PTPN6: variants seen among roughly 807,000 people sequenced by gnomAD.
PTPN6 encodes the protein tyrosine-protein phosphatase non-receptor type 6.
Under a neutral mutation model 81.5 loss-of-function variants are expected in PTPN6, and 18 were observed. The ratio of observed to expected loss-of-function variants is 0.22; its 90% CI spans 0.15 to 0.33. The LOEUF (loss-of-function observed/expected upper bound fraction) is 0.33. PTPN6 is among the 10% of genes least tolerant of loss of function. PTPN6 has a pLI of 1.00. For synonymous variants in PTPN6, 301 were observed against 310.9 expected (o/e 0.97, Z 0.33); for missense variants, 500 against 794.2 (o/e 0.63, Z 4.45).
At position 6,951,467 on chromosome 12, in the gene PTPN6, C is replaced by T; in HGVS notation, c.-46C>T. The T allele has an allele frequency of 1.2e-6, 2 of 1,613,232 alleles. No homozygotes were observed. Among genetic ancestry groups the T allele is most frequent in the South Asian group, 2.2e-5 (2 of 90,924 alleles). On this transcript the variant is annotated 5_prime_UTR_variant, in exon 1 of 16. Transcript: ENST00000318974. This position sits in a 1 kb window ranked among gnomAD's most constrained non-coding sequence, Gnocchi z 7.2. ...GCTCTCTGCCTGCCCAGACTAGCTG[C>T]ACCTCCTCATTCCCTGCGCCCCCTT...
chr12:6,947,165 C>G (rs1340144257), upstream of PTPN6, among the ~76,000 whole-genome samples: 1 of 152,196 alleles, frequency 6.6e-6, no homozygotes, highest in Non-Finnish European at 1.5e-5. Flanking sequence ...TTTCCTTTCA[C>G]TTCCCTTTCC....
rs782761798 is a variant in PTPN6, at chr12:6,957,663, G to A, written c.1084G>A (p.Val362Ile). The change falls in exon 10 of 16, where the codon GTC (valine) becomes ATC (isoleucine). Residue 362 changes from valine (V) to isoleucine (I), a missense_variant. Physicochemically the swap from Val to Ile is conservative, Grantham distance 29. This residue lies in a region of PTPN6 where 226 missense variants were observed against 364.4 expected (regional missense o/e 0.62). Coordinates refer to ENST00000318974, the MANE Select transcript of PTPN6 (RefSeq NM_002831.6). This position sits in a 1 kb window ranked among gnomAD's most constrained non-coding sequence, Gnocchi z 6.5. ...REVEKGRNKC[V>I]PYWPEVGMQR... ...GACCCTCCCTTTCCAGAACAAATGC[G>A]TCCCATACTGGCCCGAGGTGGGCAT... 2.1e-5 allele frequency: 34 copies of A among 1,592,628 alleles called. No individual in the cohort carries two copies. The highest frequency in any genetic ancestry group is 4.6e-5 in the East Asian group (2 of 43,620).
At chr12:6,958,209 C>T (rs1946066928) in intron 11 of PTPN6, 136 bp downstream of exon 11, 1 of 1,251,844 alleles carries the variant, frequency 8.0e-7, no homozygotes, top group East Asian at 2.5e-5. Context: ...TCTCCTGGGT[C>T]CCCTCATGGC....
Position 6,957,788 on chromosome 12 carries a change from G to A in PTPN6, c.1206+3G>A, listed in dbSNP as rs1447995673. On this transcript the variant is annotated splice_donor_region_variant and intron_variant, in intron 10 of 15. Transcript: ENST00000318974. The surrounding 1 kb of genome is among the most constrained non-coding windows in gnomAD (Gnocchi z 6.5). ...TACAGGTCTCCCCGCTGGACAATGT[G>A]AGTGGCCCCCACGCCCTGCCCCATT... The A allele has an allele frequency of 6.2e-7, 1 of 1,614,152 alleles. No homozygotes were observed. The highest frequency in any genetic ancestry group is 8.5e-7 in the Non-Finnish European group (1 of 1,180,038).
rs1555149773 is a variant in PTPN6 at position 6,960,748 on chromosome 12, G to C, written c.1674-58G>C. 1 of 1,551,766 alleles carries C rather than the reference G, an allele frequency of 6.4e-7. No individual in the cohort carries two copies. The highest frequency in any genetic ancestry group is 8.7e-7 in the Non-Finnish European group (1 of 1,147,072). On this transcript the variant is annotated intron_variant, in intron 14 of 15. Coordinates refer to ENST00000318974, the MANE Select transcript of PTPN6 (RefSeq NM_002831.6). The surrounding 1 kb of genome is among the most constrained non-coding windows in gnomAD (Gnocchi z 6.1). ...GGGACTGCCAGTGCCGGGTCCCCCT[G>C]TGCTGTCTCCTGACCTGCACCAACT...
Position 6,954,805 on chromosome 12 carries a change from G to A in PTPN6, c.327G>A (p.Arg109=), listed in dbSNP as rs900703869. 12 of 1,613,596 alleles carry A rather than the reference G, an allele frequency of 7.4e-6. No individual in the cohort carries two copies. Among genetic ancestry groups the A allele is most frequent in the African/African-American group, 1.3e-5 (1 of 74,928 alleles). Residue 109 remains arginine, a splice_region_variant and synonymous_variant, in exon 4 of 16, where the codon AGG becomes AGA. Coordinates refer to ENST00000318974, the MANE Select transcript of PTPN6 (RefSeq NM_002831.6). The surrounding 1 kb of genome is among the most constrained non-coding windows in gnomAD (Gnocchi z 5.4). The stretch of plus-strand genomic sequence containing the variant: ...CCTTCCCTGACGCTGCCTTCTCTAG[G>A]TGGTACCATGGCCACATGTCTGGCG... ...PLNCSDPTSE[R]WYHGHMSGGQ... is the part of the protein sequence containing the mutation.
In PTPN6 at chr12:6,956,668, T is replaced by G; in HGVS notation, c.1074+100T>G. 1 of 1,505,596 alleles carries G rather than the reference T, an allele frequency of 6.6e-7. No homozygotes were observed. The highest frequency in any genetic ancestry group is 1.4e-5 in the African/African-American group (1 of 72,624). The allele number at this position is 1,505,596 out of a possible 1,614,324, so 93.3% of individuals were successfully genotyped here. A position where few individuals can be genotyped will look rare whatever the true frequency, so the allele number is the denominator to read the frequency against. On this transcript the variant is annotated intron_variant, in intron 9 of 15. Coordinates refer to ENST00000318974, the MANE Select transcript of PTPN6 (RefSeq NM_002831.6). This position sits in a 1 kb window ranked among gnomAD's most constrained non-coding sequence, Gnocchi z 4.1. ...CCAGGGCAGAAAGGGATCTCAGGGG[T>G]GAGGGTCCGGCCCTTGTTGGGAAAC...
At chr12:6,958,116 T>C (rs781982328) in intron 11 of PTPN6, 43 bp downstream of exon 11, 49 of 1,600,454 alleles carry the variant, frequency 3.1e-5, no homozygotes, top group Non-Finnish European at 4.2e-5. Flanking sequence ...AGCTGAGAAG[T>C]AAATACTGCT....
upstream of PTPN6, among the ~76,000 whole-genome samples, chr12:6,950,216 T>A (rs188731965): frequency 6.6e-6 from 1 of 151,822 alleles, no homozygotes; most frequent in Admixed American, 6.6e-5. Context: ...GCCCATCATA[T>A]AACATTCAAA....
rs187951031 is a variant in PTPN6 at position 6,955,871 on chromosome 12, C to T, written c.844+115C>T. 4.1e-5 allele frequency: 41 copies of T among 1,009,902 alleles called. No homozygotes were observed. The Admixed American group carries it at 5.7e-4, about 14-fold the overall frequency. 62.6% of individuals were successfully genotyped at this position (1,009,902 alleles called of 1,614,324 possible). On this transcript the variant is annotated intron_variant, in intron 7 of 15. Transcript: ENST00000318974. This position sits in a 1 kb window ranked among gnomAD's most constrained non-coding sequence, Gnocchi z 7.2. Reference sequence around the variant, plus strand: ...GGAGGGGCCATCTCCCCACACCCCCCACAGAGCCTCCCCCTTCTCCAAAAG... The same window carrying T: ...GGAGGGGCCATCTCCCCACACCCCCTACAGAGCCTCCCCCTTCTCCAAAAG...
upstream of PTPN6, chr12:6,951,201 C>G: frequency 3.6e-6 from 5 of 1,394,960 alleles, no homozygotes; most frequent in Non-Finnish European, 2.8e-6. The surrounding 1 kb of genome is among the most constrained non-coding windows in gnomAD (Gnocchi z 7.2). Flanking sequence ...CCTTTGATTG[C>G]AGACGTGTGG....
chr12:6,958,323 C>A (rs1565584095), intron 11 of PTPN6, among the ~76,000 whole-genome samples: 2 of 152,200 alleles, frequency 1.3e-5, no homozygotes, highest in Non-Finnish European at 2.9e-5. Context: ...CTCGCCCAAC[C>A]CTGCCAAATA....
At chr12:6,949,874 C>T (rs1293692135), upstream of PTPN6, among the ~76,000 whole-genome samples, 2 of 144,896 alleles carry the variant, frequency 1.4e-5, no homozygotes, top group Non-Finnish European at 3.0e-5. Flanking sequence ...AGTGCGGTGG[C>T]ATGATCTCGG....
In PTPN6 at chr12:6,955,097, G is replaced by C; in HGVS notation, c.517-54G>C. 6.2e-7 allele frequency: 1 copy of C among 1,609,150 alleles called. No homozygotes were observed. The highest frequency in any genetic ancestry group is 8.5e-7 in the Non-Finnish European group (1 of 1,175,500). ...GCCTGGGCTTGAATTCAAGGCTGGG[G>C]ACCCAGGGAGGGAGACTCAAGTCCT... On this transcript the variant is annotated intron_variant, in intron 4 of 15. Transcript: ENST00000318974. This position sits in a 1 kb window ranked among gnomAD's most constrained non-coding sequence, Gnocchi z 7.2.
upstream of PTPN6, chr12:6,951,349 C>T (rs1945919857): frequency 2.6e-6 from 4 of 1,532,996 alleles, no homozygotes; most frequent in Non-Finnish European, 2.6e-6. This position sits in a 1 kb window ranked among gnomAD's most constrained non-coding sequence, Gnocchi z 7.2. Context: ...GCCGGCTGCC[C>T]CAGGCCAGTG....
chr12:6,947,090 G>T (rs2138247796), upstream of PTPN6, among the ~76,000 whole-genome samples: 1 of 152,278 alleles, frequency 6.6e-6, no homozygotes, highest in African/African-American at 2.4e-5. Context: ...ACCCGCGAAG[G>T]CCCTCCCACG....
In PTPN6 at chr12:6,952,061, G is replaced by A. The variant is rs782575533; in HGVS notation, c.210G>A (p.Ala70=). 6 of 1,614,114 alleles carry A rather than the reference G, an allele frequency of 3.7e-6. No homozygotes were observed. The highest frequency in any genetic ancestry group is 4.5e-5 in the East Asian group (2 of 44,884). Residue 70 remains alanine, a synonymous_variant, in exon 3 of 16, where the codon GCG becomes GCA. Coordinates refer to ENST00000318974, the MANE Select transcript of PTPN6 (RefSeq NM_002831.6). This position sits in a 1 kb window ranked among gnomAD's most constrained non-coding sequence, Gnocchi z 8.1. ...FYDLYGGEKF[A]TLTELVEYYT... The stretch of plus-strand genomic sequence containing the variant: ...ACCTGTATGGAGGGGAGAAGTTTGC[G>A]ACTCTGACAGAGCTGGTGGAGTACT...
In PTPN6 at chr12:6,957,483, TTGG is replaced by T. The variant is rs1380309081; in HGVS notation, c.1075-166_1075-164del. On this transcript the variant is annotated intron_variant, in intron 9 of 15. Transcript: ENST00000318974. This position sits in a 1 kb window ranked among gnomAD's most constrained non-coding sequence, Gnocchi z 6.5. ...GTGGCTGGCCAGGCCTCACCACCTGTTGGTGGTTGATCTGAGACGAGAGCCCAG... is the reference window on the plus strand; with the variant it reads ...GTGGCTGGCCAGGCCTCACCACCTGTTGGTTGATCTGAGACGAGAGCCCAG... Among the ~76,000 whole-genome samples, 8 of 152,204 alleles carry T rather than the reference TTGG, an allele frequency of 5.3e-5. No individual in the cohort carries two copies. The East Asian group carries it at 1.4e-3, about 26-fold the overall frequency.
In PTPN6 at chr12:6,960,899, G is replaced by A; in HGVS notation, c.1767G>A (p.Lys589=). 1 of 1,573,690 alleles carries A rather than the reference G, an allele frequency of 6.4e-7. No homozygotes were observed. The highest frequency in any genetic ancestry group is 8.6e-7 in the Non-Finnish European group (1 of 1,159,036). The stretch of plus-strand genomic sequence containing the variant: ...GGTCAGCAGACAAGGAGAAGAGCAA[G>A]GGTTCCCTCAAGAGGAAGTGAGCGG... ...KQRSADKEKS[K]GSLKRK is the part of the protein sequence containing the mutation. The change falls in exon 15 of 16, where the codon AAG becomes AAA. Residue 589 remains lysine (K), a synonymous_variant. Transcript: ENST00000318974. The surrounding 1 kb of genome is among the most constrained non-coding windows in gnomAD (Gnocchi z 6.1).
Sources: allele counts gnomAD v4.1 joint callset (sites outside exome capture counted in the v4.1 genomes callset), GRCh38; gene constraint gnomAD v4.1.1; regional missense constraint gnomAD v4.1.1; non-coding constraint Gnocchi (gnomAD v3.1); transcripts MANE v1.5; gene names NCBI Gene and HGNC (gene_info 2026-07-23, HGNC 2026-07-21).